ATP2B2: variants seen among roughly 807,000 people sequenced by gnomAD.
The protein encoded by ATP2B2 is ATPase plasma membrane Ca2+ transporting 2, also known as plasma membrane calcium-transporting ATPase 2.
A neutral mutation model predicts 120.0 loss-of-function variants in ATP2B2; 15 were observed. That is an observed-to-expected ratio of 0.12 (90% CI 0.08 to 0.19). The LOEUF (loss-of-function observed/expected upper bound fraction) is 0.19. Among genes scored for constraint, ATP2B2 ranks in the 10% least tolerant of loss-of-function variants. The pLI is 1.00. For synonymous variants in ATP2B2, 694 were observed against 700.3 expected (o/e 0.99, Z 0.14); for missense variants, 1,045 against 1,719.8 (o/e 0.61, Z 6.94).
chr3:10,658,325 C>T (rs2070691629), intron 1 of ATP2B2, among the ~76,000 whole-genome samples: 1 of 125,612 alleles, frequency 8.0e-6, no homozygotes, highest in Non-Finnish European at 2.0e-5. Context: ...GAACCCATCA[C>T]AAAGAAGCTA....
intron 1 of ATP2B2, among the ~76,000 whole-genome samples, chr3:10,666,248 G>C (rs900623059): frequency 3.3e-5 from 5 of 152,192 alleles, no homozygotes; most frequent in African/African-American, 7.2e-5. Context: ...TTTAAAAGCA[G>C]AGACTTGGCC....
intron 1 of ATP2B2, among the ~76,000 whole-genome samples, chr3:10,479,319 T>G (rs1449645466): frequency 6.6e-6 from 1 of 151,584 alleles, no homozygotes; most frequent in Non-Finnish European, 1.5e-5. Context: ...TTCTCTCATT[T>G]CCTCTGCTTG....
At chr3:10,354,735 G>A (rs2060666027) in intron 14 of ATP2B2, among the ~76,000 whole-genome samples, 1 of 152,234 alleles carries the variant, frequency 6.6e-6, no homozygotes, top group South Asian at 2.1e-4. Flanking sequence ...CCCCTTGACA[G>A]CCAGGGAAAC....
chr3:10,488,135 A>T (rs1248383786), intron 1 of ATP2B2, among the ~76,000 whole-genome samples: 3 of 149,884 alleles, frequency 2.0e-5, no homozygotes, highest in Non-Finnish European at 4.5e-5. Flanking sequence ...CCATCCATCC[A>T]TCCTCCCACC....
intron 2 of ATP2B2, among the ~76,000 whole-genome samples, chr3:10,578,932 C>T (rs916239790): frequency 3.9e-5 from 6 of 152,254 alleles, no homozygotes; most frequent in Non-Finnish European, 5.9e-5. Context: ...TGGGAAGGGG[C>T]GGTGGCCTCC....
chr3:10,685,116 C>A (rs1456015369), intron 1 of ATP2B2, among the ~76,000 whole-genome samples: 1 of 152,206 alleles, frequency 6.6e-6, no homozygotes, highest in African/African-American at 2.4e-5. Context: ...AGAACATTTC[C>A]TCATCTGTAA....
intron 22 of ATP2B2, 25 bp downstream of exon 22, chr3:10,338,151 C>A (rs1463340943): frequency 6.2e-7 from 1 of 1,613,334 alleles, no homozygotes; most frequent in African/African-American, 1.3e-5. Flanking sequence ...CAGGCCTGGG[C>A]CCAGCCCCCA....
chr3:10,695,671 C>T (rs2071732358), intron 1 of ATP2B2, among the ~76,000 whole-genome samples: 1 of 152,208 alleles, frequency 6.6e-6, no homozygotes, highest in African/African-American at 2.4e-5. Context: ...CCAGGATCCA[C>T]AGAGCTACCT....
At chr3:10,382,041 T>C (rs184479453) in intron 8 of ATP2B2, among the ~76,000 whole-genome samples, 4 of 152,276 alleles carry the variant, frequency 2.6e-5, no homozygotes, top group Admixed American at 2.0e-4. Flanking sequence ...TGGGAGTTAG[T>C]AGTAATGTGT....
intron 1 of ATP2B2, among the ~76,000 whole-genome samples, chr3:10,648,629 C>T (rs1222364947): frequency 1.3e-5 from 2 of 152,222 alleles, no homozygotes; most frequent in African/African-American, 4.8e-5. Context: ...GACTCCCAAA[C>T]TCCCCCAAAC....
chr3:10,549,302 T>C (rs1259493231), intron 2 of ATP2B2, among the ~76,000 whole-genome samples: 1 of 152,122 alleles, frequency 6.6e-6, no homozygotes, highest in African/African-American at 2.4e-5. Context: ...TTCACTTTTC[T>C]ATCTTCCCTG....
At chr3:10,629,662 T>G (rs1174101694) in intron 1 of ATP2B2, among the ~76,000 whole-genome samples, 1 of 152,148 alleles carries the variant, frequency 6.6e-6, no homozygotes, top group Non-Finnish European at 1.5e-5. Flanking sequence ...AACCCAGGGA[T>G]CCTTCCTCCA....
intron 2 of ATP2B2, among the ~76,000 whole-genome samples, chr3:10,439,352 C>A (rs563386639): frequency 6.6e-6 from 1 of 152,114 alleles, no homozygotes; most frequent in Non-Finnish European, 1.5e-5. Context: ...GGGTCTCAGT[C>A]GATAAGGGCC....
In ATP2B2 at chr3:10,683,788, A is replaced by G. The variant is rs1305448569; in HGVS notation, c.-460+24127T>C. ...TATATATATATATATATATATATAT[A>G]TATATATATATATATATGTAAAGAG... On this transcript the variant is annotated intron_variant, in intron 1 of 21. Coordinates refer to the ATP2B2 transcript ENST00000646379. Among the ~76,000 whole-genome samples the G allele has an allele frequency of 5.0e-4, 59 of 118,508 alleles. 1 individual carries two copies. Among genetic ancestry groups the G allele is most frequent in the African/African-American group, 1.2e-3 (32 of 27,200 alleles). The allele number at this position is 118,508 out of a possible 152,430, so 77.7% of individuals were successfully genotyped here. A position where few individuals can be genotyped will look rare whatever the true frequency, so the allele number is the denominator to read the frequency against.
At chr3:10,585,097 G>A (rs1386658036) in intron 2 of ATP2B2, among the ~76,000 whole-genome samples, 1 of 152,090 alleles carries the variant, frequency 6.6e-6, no homozygotes, top group African/African-American at 2.4e-5. Flanking sequence ...TCACACACCT[G>A]CCCTGCTGTA....
In ATP2B2 at chr3:10,449,791, C is replaced by A; in HGVS notation, c.-248G>T. The A allele has an allele frequency of 1.8e-6, 1 of 561,608 alleles. No individual in the cohort carries two copies. The highest frequency in any genetic ancestry group is 3.0e-5 in the Admixed American group (1 of 33,754). 34.8% of individuals were successfully genotyped at this position (561,608 alleles called of 1,614,324 possible). A position where few individuals can be genotyped will look rare whatever the true frequency, so the allele number is the denominator to read the frequency against. ...CCGGAGGGGCTCAGGGCTGTAGACCCAGGAGTCTCCATTCAGTGGGGCCCA... is the reference window on the plus strand; with the variant it reads ...CCGGAGGGGCTCAGGGCTGTAGACCAAGGAGTCTCCATTCAGTGGGGCCCA... On this transcript the variant is annotated 5_prime_UTR_variant, in exon 2 of 23. Transcript: ENST00000360273.
intron 1 of ATP2B2, among the ~76,000 whole-genome samples, chr3:10,679,096 A>G (rs1423842831): frequency 1.3e-5 from 2 of 152,040 alleles, no homozygotes; most frequent in Non-Finnish European, 2.9e-5. Flanking sequence ...AAGGAAATGA[A>G]TTTTGCCACC....
chr3:10,633,341 T>C (rs1237304912), intron 1 of ATP2B2, among the ~76,000 whole-genome samples: 1 of 152,206 alleles, frequency 6.6e-6, no homozygotes, highest in Non-Finnish European at 1.5e-5. Flanking sequence ...ACTGATGCAA[T>C]AACAGCAGAC....
At chr3:10,468,178 G>A (rs896803028) in intron 1 of ATP2B2, among the ~76,000 whole-genome samples, 1 of 152,246 alleles carries the variant, frequency 6.6e-6, no homozygotes, top group Non-Finnish European at 1.5e-5. Context: ...CAGTGTCCAT[G>A]TGGGCTGTGG....
Sources: allele counts gnomAD v4.1 joint callset (sites outside exome capture counted in the v4.1 genomes callset), GRCh38; gene constraint gnomAD v4.1.1; transcripts MANE v1.5; gene names NCBI Gene and HGNC (gene_info 2026-07-23, HGNC 2026-07-21).